The following ABTB2 variants were observed in gnomAD, a reference collection of about 807,000 sequenced individuals.
ABTB2 encodes ankyrin repeat and BTB domain containing 2.
In ABTB2, 56 loss-of-function variants were observed where a neutral mutation model predicts 104.1. The ratio of observed to expected loss-of-function variants is 0.54; its 90% CI spans 0.43 to 0.67. ABTB2 has a LOEUF of 0.67. Ranked by LOEUF, ABTB2 falls within the 30% of genes least tolerant of loss-of-function variation. ABTB2 has a pLI of 0.00. For synonymous variants in ABTB2, 606 were observed against 608.2 expected (o/e 1.00, Z 0.05); for missense variants, 1,279 against 1,407.7 (o/e 0.91, Z 1.46).
rs566670903 is a variant in ABTB2 at position 34,239,446 on chromosome 11, T to A, written c.884-34756A>T. On this transcript the variant is annotated intron_variant, in intron 1 of 16. Coordinates refer to ENST00000435224, the MANE Select transcript of ABTB2 (RefSeq NM_145804.3). ...CCTGGGCTCAAGCAATCCTCCTACC[T>A]CAGCCTCCTGAGTAGCTGAGACTGC... Among the ~76,000 whole-genome samples, 369 of 152,118 alleles carry A rather than the reference T, an allele frequency of 2.4e-3. 3 individuals carry two copies. The highest frequency in any genetic ancestry group is 8.4e-3 in the African/African-American group (347 of 41,494).
intron 1 of ABTB2, among the ~76,000 whole-genome samples, chr11:34,341,915 GA>G (rs1284421189): frequency 2.0e-5 from 3 of 152,140 alleles, no homozygotes; most frequent in Non-Finnish European, 4.4e-5. Context: ...TCCCTTTAAG[GA>G]AAAAGATTAA....
At chr11:34,212,849 G>C (rs1853498440) in intron 1 of ABTB2, among the ~76,000 whole-genome samples, 1 of 152,206 alleles carries the variant, frequency 6.6e-6, no homozygotes, top group Non-Finnish European at 1.5e-5. Flanking sequence ...GGGCCCAGGA[G>C]CTCACTGTTA....
At chr11:34,344,018 C>T (rs193020475) in intron 1 of ABTB2, among the ~76,000 whole-genome samples, 2 of 152,228 alleles carry the variant, frequency 1.3e-5, no homozygotes, top group South Asian at 2.1e-4. Context: ...ATCCAACAGG[C>T]GGTTGGATAC....
chr11:34,286,405 G>A (rs578113989), intron 1 of ABTB2, among the ~76,000 whole-genome samples: 9 of 151,992 alleles, frequency 5.9e-5, no homozygotes, highest in Non-Finnish European at 7.4e-5. Context: ...CGATTCTCCC[G>A]CCTCAGCCTC....
intron 1 of ABTB2, among the ~76,000 whole-genome samples, chr11:34,277,166 T>A (rs1387799008): frequency 6.6e-6 from 1 of 152,198 alleles, no homozygotes; most frequent in Admixed American, 6.5e-5. Context: ...CCTCTCAAAG[T>A]GCTGGGATTA....
At chr11:34,322,455 A>G (rs1195905310) in intron 1 of ABTB2, among the ~76,000 whole-genome samples, 1 of 152,092 alleles carries the variant, frequency 6.6e-6, no homozygotes, top group East Asian at 1.9e-4. Context: ...TGCACCTGTA[A>G]TCCCAGCTAC....
chr11:34,323,063 T>C (rs868113369), intron 1 of ABTB2, among the ~76,000 whole-genome samples: 1 of 152,088 alleles, frequency 6.6e-6, no homozygotes, highest in Admixed American at 6.5e-5. Flanking sequence ...CCTGCCACCA[T>C]GCCCGGCTAA....
intron 3 of ABTB2, 149 bp downstream of exon 3, chr11:34,197,176 A>G: frequency 2.3e-6 from 2 of 875,710 alleles, no homozygotes; most frequent in Non-Finnish European, 3.7e-6. Context: ...CATCCATCGG[A>G]ATTCCTGGGC....
At chr11:34,319,104 T>A (rs753412469) in intron 1 of ABTB2, among the ~76,000 whole-genome samples, 1 of 152,098 alleles carries the variant, frequency 6.6e-6, no homozygotes, top group African/African-American at 2.4e-5. Flanking sequence ...CACAGAGTAA[T>A]AGGAACAGCG....
intron 1 of ABTB2, among the ~76,000 whole-genome samples, chr11:34,340,897 G>T (rs956179626): frequency 6.6e-6 from 1 of 152,186 alleles, no homozygotes. Context: ...ATGACAAGAA[G>T]CCAGTCAACA....
At chr11:34,246,935 T>C (rs1853992736) in intron 1 of ABTB2, among the ~76,000 whole-genome samples, 1 of 150,776 alleles carries the variant, frequency 6.6e-6, no homozygotes, top group Non-Finnish European at 1.5e-5. Flanking sequence ...GCAACCTCTG[T>C]CTTCCGGGTT....
intron 3 of ABTB2, among the ~76,000 whole-genome samples, chr11:34,176,778 G>T (rs577538220): frequency 3.9e-5 from 6 of 152,354 alleles, no homozygotes; most frequent in African/African-American, 1.4e-4. Context: ...GCCCAGAAAA[G>T]AATGGTGTAT....
chr11:34,258,343 A>G (rs553515455), intron 1 of ABTB2, among the ~76,000 whole-genome samples: 1 of 152,180 alleles, frequency 6.6e-6, no homozygotes, highest in South Asian at 2.1e-4. Context: ...CCTCACAGTG[A>G]GAGAGAGGTA....
intron 1 of ABTB2, among the ~76,000 whole-genome samples, chr11:34,277,037 G>T (rs1344525344): frequency 6.6e-6 from 1 of 152,116 alleles, no homozygotes; most frequent in Non-Finnish European, 1.5e-5. Flanking sequence ...GAGTAGCTGG[G>T]ATTACAGGGA....
chr11:34,270,700 T>C (rs1004469752), intron 1 of ABTB2, among the ~76,000 whole-genome samples: 7 of 152,284 alleles, frequency 4.6e-5, no homozygotes, highest in Non-Finnish European at 1.0e-4. Flanking sequence ...GGACCAGGCA[T>C]GCAAGGTAAA....
At chr11:34,307,889 G>A (rs573651974) in intron 1 of ABTB2, among the ~76,000 whole-genome samples, 1 of 152,214 alleles carries the variant, frequency 6.6e-6, no homozygotes, top group African/African-American at 2.4e-5. Flanking sequence ...AGTAGAGACA[G>A]GGTTTCACCA....
intron 1 of ABTB2, among the ~76,000 whole-genome samples, chr11:34,238,230 T>C (rs529657199): frequency 6.6e-6 from 1 of 152,292 alleles, no homozygotes; most frequent in Admixed American, 6.5e-5. Flanking sequence ...AGTATTCCTT[T>C]CCCCTGGCAT....
chr11:34,160,027 C>G lies in ABTB2; in HGVS notation c.2504-19G>C, dbSNP rs1565127356. ...TGTGGATCTGTGAAAAGCGGGGAGA[C>G]AGAGGGATATGGCTGAGGAGTCCCC... On this transcript the variant is annotated intron_variant, in intron 12 of 16. Transcript: ENST00000435224. The G allele has an allele frequency of 1.9e-6, 3 of 1,596,418 alleles. No homozygotes were observed. The highest frequency in any genetic ancestry group is 2.6e-6 in the Non-Finnish European group (3 of 1,165,086).
Position 34,357,599 on chromosome 11 carries a change from G to A in ABTB2, c.-16C>T. On this transcript the variant is annotated 5_prime_UTR_variant, in exon 1 of 17. Coordinates refer to ENST00000435224, the MANE Select transcript of ABTB2 (RefSeq NM_145804.3). ...TCCCGGCCATGGGGAGCCTGCCGAG[G>A]GCGGCGTCGCCGAGCGAGGGGCACT... 6.7e-7 allele frequency: 1 copy of A among 1,495,420 alleles called. No individual in the cohort carries two copies. Among genetic ancestry groups the A allele is most frequent in the African/African-American group, 1.4e-5 (1 of 71,906 alleles). 92.6% of individuals were successfully genotyped at this position (1,495,420 alleles called of 1,614,324 possible).
Sources: gnomAD v4.1 joint callset for allele counts (sites outside exome capture counted in the v4.1 genomes callset) on GRCh38, gnomAD v4.1.1 for gene constraint, MANE v1.5 for transcripts, NCBI Gene and HGNC (gene_info 2026-07-23, HGNC 2026-07-21) for gene names.